M1AP: variants seen among roughly 807,000 people sequenced by gnomAD.
The protein encoded by M1AP is meiosis 1 arrest protein.
A neutral mutation model predicts 51.2 loss-of-function variants in M1AP; 39 were observed. That is an observed-to-expected ratio of 0.76 (90% CI 0.59 to 1.00). The LOEUF is 1.00. Among genes scored for constraint, M1AP ranks in the 50% least tolerant of loss-of-function variants. M1AP has a pLI of 0.00. For missense variants in M1AP, 545 were observed against 641.2 expected (o/e 0.85, Z 1.62); for synonymous variants, 251 against 249.2 (o/e 1.01, Z -0.07).
At position 74,581,803 on chromosome 2, in the gene M1AP, T is replaced by G; in HGVS notation, c.640A>C (p.Asn214His). The change falls in exon 5 of 11, where the codon AAT becomes CAT. Residue 214 changes from asparagine to histidine, a missense_variant. By Grantham distance (68) the Asn-to-His change is moderately conservative. Coordinates refer to ENST00000421985, the MANE Select transcript of M1AP (RefSeq NM_001321739.2). ...AAAATCTCCATGCTGACGATATCAT[T>G]GTCTATAGTCTGAAGGTCAATGTCA... is the stretch of plus-strand genomic sequence containing the variant. ...GTDIDLQTID[N>H]DIVSMEIFFK... is the part of the protein sequence containing the mutation. The G allele has an allele frequency of 6.2e-7, 1 of 1,614,042 alleles. No individual in the cohort carries two copies. Among genetic ancestry groups the G allele is most frequent in the Non-Finnish European group, 8.5e-7 (1 of 1,179,902 alleles).
Position 74,615,210 on chromosome 2 carries a change from C to T in M1AP, c.241-61G>A, listed in dbSNP as rs1681596331. On this transcript the variant is annotated intron_variant, in intron 2 of 10. Transcript: ENST00000421985. ...AGGGACCAGGTTTCAGATTAATTGGCAGTCTAAATTTATTATAAATAATTC... is the reference window on the plus strand; with the variant it reads ...AGGGACCAGGTTTCAGATTAATTGGTAGTCTAAATTTATTATAAATAATTC... 7 of 1,421,330 alleles carry T rather than the reference C, an allele frequency of 4.9e-6. No homozygotes were observed. In the South Asian group the frequency reaches 8.3e-5, roughly 17 times the overall value. 88.0% of individuals were successfully genotyped at this position (1,421,330 alleles called of 1,614,324 possible). A position where few individuals can be genotyped will look rare whatever the true frequency, so the allele number is the denominator to read the frequency against.
intron 4 of M1AP, 98 bp downstream of exon 4, chr2:74,606,957 A>ATATG: frequency 1.1e-6 from 1 of 894,626 alleles, no homozygotes. Context: ...GGTTTGTTAC[A>ATATG]TATGTATACA....
At chr2:74,577,194 C>T (rs1238655298) in intron 5 of M1AP, among the ~76,000 whole-genome samples, 1 of 152,126 alleles carries the variant, frequency 6.6e-6, no homozygotes, top group Non-Finnish European at 1.5e-5. Context: ...CCTGAAATAG[C>T]TTATTTTTTA....
At chr2:74,562,451 G>T (rs368526345) in intron 7 of M1AP, 28 bp from the exon 8 acceptor site, 26 of 1,612,758 alleles carry the variant, frequency 1.6e-5, no homozygotes, top group Non-Finnish European at 1.8e-5. Flanking sequence ...AGAAATACTG[G>T]TTCATCTTTA....
chr2:74,579,155 G>T (rs1007876006), intron 5 of M1AP, among the ~76,000 whole-genome samples: 1 of 152,164 alleles, frequency 6.6e-6, no homozygotes, highest in Non-Finnish European at 1.5e-5. Context: ...AAATATTCTG[G>T]CTCTGATCCT....
Position 74,576,837 on chromosome 2 carries a change from C to T in M1AP, c.770-219G>A, listed in dbSNP as rs149315270. 328 of 1,321,850 alleles carry T rather than the reference C, an allele frequency of 2.5e-4. 2 individuals carry two copies. In the African/African-American group the frequency reaches 4.4e-3, roughly 18 times the overall value. The allele number at this position is 1,321,850 out of a possible 1,614,324, so 81.9% of individuals were successfully genotyped here. A position where few individuals can be genotyped will look rare whatever the true frequency, so the allele number is the denominator to read the frequency against. ...TCTGGAAGCTATAGTATCTCTATCG[C>T]TCTACATAAAAGTTAACTTATCTTC... On this transcript the variant is annotated intron_variant, in intron 5 of 10. Transcript: ENST00000421985.
intron 7 of M1AP, among the ~76,000 whole-genome samples, chr2:74,573,225 A>G (rs1172956005): frequency 6.6e-6 from 1 of 150,570 alleles, no homozygotes; most frequent in Non-Finnish European, 1.5e-5. Flanking sequence ...TTTTTATTTT[A>G]TTTTATTTTT....
intron 2 of M1AP, among the ~76,000 whole-genome samples, chr2:74,624,309 A>G (rs1443359023): frequency 1.3e-5 from 2 of 152,250 alleles, no homozygotes; most frequent in Admixed American, 6.5e-5. Context: ...CAGTAGACAT[A>G]TATTATTGAC....
At chr2:74,604,962 C>A (rs1680884261) in intron 4 of M1AP, among the ~76,000 whole-genome samples, 1 of 152,048 alleles carries the variant, frequency 6.6e-6, no homozygotes, top group South Asian at 2.1e-4. Flanking sequence ...GTAATCCCAG[C>A]ACTTTGGGAG....
At chr2:74,623,878 C>T (rs1056761732) in intron 2 of M1AP, among the ~76,000 whole-genome samples, 2 of 152,040 alleles carry the variant, frequency 1.3e-5, no homozygotes, top group African/African-American at 4.8e-5. Flanking sequence ...TGCTATGTTG[C>T]CCAGGCTGGT....
At chr2:74,561,097 A>AGG (rs1677913842) in intron 8 of M1AP, among the ~76,000 whole-genome samples, 1 of 38,456 alleles carries the variant, frequency 2.6e-5, no homozygotes, top group African/African-American at 1.3e-4. Flanking sequence ...GGAGAAGGAG[A>AGG]AGGAGGAGGA....
chr2:74,612,848 G>T (rs1308781117), intron 3 of M1AP, among the ~76,000 whole-genome samples: 2 of 152,056 alleles, frequency 1.3e-5, no homozygotes, highest in Non-Finnish European at 2.9e-5. Context: ...GAAATTCTCA[G>T]TCATTATTAT....
intron 4 of M1AP, among the ~76,000 whole-genome samples, chr2:74,592,568 A>G (rs1304811964): frequency 6.6e-6 from 1 of 152,028 alleles, no homozygotes; most frequent in African/African-American, 2.4e-5. Context: ...CTCCCATGGC[A>G]TAAATTGCAA....
At chr2:74,586,873 A>C (rs567132127) in intron 4 of M1AP, among the ~76,000 whole-genome samples, 10 of 152,118 alleles carry the variant, frequency 6.6e-5, no homozygotes, top group South Asian at 2.1e-4. Flanking sequence ...GTGGTGGTGC[A>C]TGCCTGTAAT....
At chr2:74,561,951 A>G in intron 8 of M1AP, 1 of 985,302 alleles carries the variant, frequency 1.0e-6, no homozygotes, top group Non-Finnish European at 1.2e-6. Flanking sequence ...GTCATCACTG[A>G]TGCCAATATC....
intron 2 of M1AP, among the ~76,000 whole-genome samples, chr2:74,624,953 G>A (rs1682282521): frequency 6.6e-6 from 1 of 152,106 alleles, no homozygotes; most frequent in African/African-American, 2.4e-5. Context: ...TATATATGTA[G>A]GATAAGGTCC....
In M1AP at chr2:74,560,131, G is replaced by A. The variant is rs766265929; in HGVS notation, c.1422+20C>T. On this transcript the variant is annotated intron_variant, in intron 9 of 10. Coordinates refer to ENST00000421985, the MANE Select transcript of M1AP (RefSeq NM_001321739.2). ...GAGGGAGGGGAAGTAAGGAAGAGGA[G>A]GGAAGGAGGGGAGCGGTACCTTTCT... is the stretch of plus-strand genomic sequence containing the variant. 1.6e-5 allele frequency: 26 copies of A among 1,612,544 alleles called. No individual in the cohort carries two copies. Among genetic ancestry groups the A allele is most frequent in the Non-Finnish European group, 2.1e-5 (25 of 1,179,750 alleles).
At chr2:74,565,198 G>A (rs1294208474) in intron 7 of M1AP, among the ~76,000 whole-genome samples, 1 of 152,006 alleles carries the variant, frequency 6.6e-6, no homozygotes, top group East Asian at 1.9e-4. Flanking sequence ...ACTCCAGCCT[G>A]GGCGACAGAG....
intron 8 of M1AP, among the ~76,000 whole-genome samples, chr2:74,561,142 A>AAGGAGGAGGAGAAGGAGGAGGAGGAGG: frequency 4.7e-5 from 1 of 21,350 alleles, no homozygotes; most frequent in African/African-American, 1.7e-4. Flanking sequence ...GGAGGAGGAG[A>AAGGAGGAGGAGAAGGAGGAGGAGGAGG]AGGAGGAGGA....
Sources: allele counts gnomAD v4.1 joint callset (sites outside exome capture counted in the v4.1 genomes callset), GRCh38; gene constraint gnomAD v4.1.1; transcripts MANE v1.5; gene names NCBI Gene and HGNC (gene_info 2026-07-23, HGNC 2026-07-21).